DPH6: variants seen among roughly 807,000 people sequenced by gnomAD.
DPH6 encodes the protein diphthine--ammonia ligase.
DPH6 carries 33 observed loss-of-function variants against 38.2 expected under a neutral mutation model. That is an observed-to-expected ratio of 0.86 (90% CI 0.65 to 1.15). The LOEUF (loss-of-function observed/expected upper bound fraction) is 1.15. Among genes scored for constraint, DPH6 ranks in the 50% most tolerant of loss-of-function variants. The pLI, the probability that DPH6 is intolerant of heterozygous loss-of-function variation, is 0.00. For synonymous variants in DPH6, 108 were observed against 103.0 expected (o/e 1.05, Z -0.30); for missense variants, 325 against 320.0 (o/e 1.02, Z -0.12).
intron 3 of DPH6, among the ~76,000 whole-genome samples, chr15:35,525,414 G>C (rs1473025138): frequency 6.6e-6 from 1 of 151,936 alleles, no homozygotes; most frequent in African/African-American, 2.4e-5. Context: ...CAGCATACTC[G>C]TCTGCTCTCA....
downstream of DPH6, among the ~76,000 whole-genome samples, chr15:35,328,220 C>T (rs1305458731): frequency 3.9e-5 from 6 of 152,114 alleles, no homozygotes; most frequent in Non-Finnish European, 8.8e-5. Context: ...CTTTCTCTTG[C>T]TCCTAGGCTT....
chr15:35,292,267 G>C (rs2051985235), intron 3 of DPH6, among the ~76,000 whole-genome samples: 1 of 152,060 alleles, frequency 6.6e-6, no homozygotes, highest in Non-Finnish European at 1.5e-5. Flanking sequence ...TTAACTTATT[G>C]TTACATTAAC....
At chr15:35,184,259 G>T in the DPH6 span, among the ~76,000 whole-genome samples, 2 of 152,202 alleles carry the variant, frequency 1.3e-5, no homozygotes, top group South Asian at 2.1e-4. Context: ...TAGACAGGAT[G>T]CTTTTAGAAG....
chr15:35,299,568 CG>C (rs1221636127), intron 3 of DPH6: 4 of 454,632 alleles, frequency 8.8e-6, no homozygotes, highest in Non-Finnish European at 1.2e-5. Flanking sequence ...GGGCGCTGGG[CG>C]GCGCGGGGTC....
chr15:35,540,164 T>C (rs1309492508), intron 2 of DPH6, among the ~76,000 whole-genome samples: 1 of 152,110 alleles, frequency 6.6e-6, no homozygotes, highest in African/African-American at 2.4e-5. Context: ...TTTAAGGCTC[T>C]ATTTAGTCCT....
intron 3 of DPH6, chr15:35,521,071 C>G: frequency 1.0e-6 from 1 of 985,136 alleles, no homozygotes; most frequent in Non-Finnish European, 1.2e-6. Flanking sequence ...ACAAAAGCTC[C>G]AGTTTAACAA....
intron 6 of DPH6, among the ~76,000 whole-genome samples, chr15:35,393,931 T>G (rs955543161): frequency 3.9e-5 from 6 of 152,056 alleles, no homozygotes; most frequent in African/African-American, 1.4e-4. Context: ...TTAGTATGAG[T>G]AGTAGTTTTC....
rs1428114905 is a variant in DPH6 at position 35,299,345 on chromosome 15, C to T, written n.200+74176G>A. 22 of 972,804 alleles carry T rather than the reference C, an allele frequency of 2.3e-5. No individual in the cohort carries two copies. In the South Asian group the frequency reaches 2.7e-4, roughly 12 times the overall value. The allele number at this position is 972,804 out of a possible 1,614,324, so 60.3% of individuals were successfully genotyped here. A position where few individuals can be genotyped will look rare whatever the true frequency, so the allele number is the denominator to read the frequency against. On this transcript the variant is annotated intron_variant and non_coding_transcript_variant, in intron 3 of 3. Coordinates refer to the DPH6 transcript ENST00000560386. Reference sequence around the variant, plus strand: ...TGGCTCTTTGCCTGAGTGAGAGCTGCCTTCTTCACCTGAAGCTGAGACTGT... The same window carrying T: ...TGGCTCTTTGCCTGAGTGAGAGCTGTCTTCTTCACCTGAAGCTGAGACTGT...
intron 3 of DPH6, among the ~76,000 whole-genome samples, chr15:35,360,899 GA>G (rs1298134025): frequency 6.6e-6 from 1 of 152,032 alleles, no homozygotes; most frequent in East Asian, 1.9e-4. Flanking sequence ...GCCACTGGAG[GA>G]ATGAACAGGC....
downstream of DPH6, among the ~76,000 whole-genome samples, chr15:35,215,394 A>C (rs1162180599): frequency 6.6e-6 from 1 of 151,902 alleles, no homozygotes; most frequent in Non-Finnish European, 1.5e-5. Context: ...TTTGGTGGAA[A>C]ATCTTTTTTT....
chr15:35,411,349 C>T (rs2053364372), intron 5 of DPH6, among the ~76,000 whole-genome samples: 1 of 151,728 alleles, frequency 6.6e-6, no homozygotes, highest in African/African-American at 2.4e-5. Flanking sequence ...TAGCAGTAGA[C>T]TGTTATGCTT....
At chr15:35,213,121 T>C (rs188079261), downstream of DPH6, among the ~76,000 whole-genome samples, 2 of 152,336 alleles carry the variant, frequency 1.3e-5, no homozygotes, top group Non-Finnish European at 2.9e-5. Context: ...CTAGTCCTTA[T>C]CTGTCTGAGG....
intron 7 of DPH6, among the ~76,000 whole-genome samples, chr15:35,380,843 G>A (rs2052855265): frequency 6.6e-6 from 1 of 152,012 alleles, no homozygotes; most frequent in Non-Finnish European, 1.5e-5. Context: ...AACATCAGTG[G>A]TGCCCAGGAG....
rs2052706339 is a variant in DPH6, at chr15:35,370,952, T to C, written c.*1198A>G. ...AGCAACTGAGATGTTCTTCAATAGG[T>C]GCATGGACAAATGAAATGTGGTAGA... On this transcript the variant is annotated 3_prime_UTR_variant, in exon 9 of 9. Transcript: ENST00000256538. 2 of 151,474 alleles carry C rather than the reference T, an allele frequency of 1.3e-5. No individual in the cohort carries two copies. The highest frequency in any genetic ancestry group is 6.6e-5 in the Admixed American group (1 of 15,176). The allele number at this position is 151,474 out of a possible 1,614,324, so 9.4% of individuals were successfully genotyped here.
chr15:35,220,030 AC>A (rs901070898), exon 4 of DPH6: 4 of 152,316 alleles, frequency 2.6e-5, no homozygotes, highest in East Asian at 1.9e-4. Context: ...TTTTAATATT[AC>A]CCACAATGAC....
At chr15:35,389,980 T>C (rs2053030700) in intron 6 of DPH6, among the ~76,000 whole-genome samples, 1 of 152,238 alleles carries the variant, frequency 6.6e-6, no homozygotes, top group Admixed American at 6.5e-5. Flanking sequence ...TGGCTAATAC[T>C]GCTTGTTCCT....
chr15:35,334,674 A>G (rs1381395737), intron 3 of DPH6, among the ~76,000 whole-genome samples: 1 of 151,880 alleles, frequency 6.6e-6, no homozygotes, highest in African/African-American at 2.4e-5. Flanking sequence ...TTCTGTTCCT[A>G]TGTTAGTTTG....
chr15:35,343,153 T>C (rs2140880604), intron 3 of DPH6, among the ~76,000 whole-genome samples: 1 of 152,298 alleles, frequency 6.6e-6, no homozygotes, highest in South Asian at 2.1e-4. Context: ...CACATCAATA[T>C]TAGATGAAAT....
At chr15:35,311,693 C>T (rs1028515117) in intron 3 of DPH6, among the ~76,000 whole-genome samples, 2 of 152,052 alleles carry the variant, frequency 1.3e-5, no homozygotes, top group Non-Finnish European at 2.9e-5. Context: ...AGAAGGAAAA[C>T]TTGAAACAAT....
Sources: gnomAD v4.1 joint callset for allele counts (sites outside exome capture counted in the v4.1 genomes callset) on GRCh38, gnomAD v4.1.1 for gene constraint, MANE v1.5 for transcripts, NCBI Gene and HGNC (gene_info 2026-07-23, HGNC 2026-07-21) for gene names.